Variants in TRAF5 observed in about 807,000 individuals in gnomAD.
TRAF5 encodes TNF receptor-associated factor 5.
A neutral mutation model predicts 64.5 loss-of-function variants in TRAF5; 48 were observed. The observed-to-expected ratio is 0.74, with a 90% confidence interval of 0.59 to 0.95. The LOEUF (loss-of-function observed/expected upper bound fraction) is 0.95. Among genes scored for constraint, TRAF5 ranks in the 40% least tolerant of loss-of-function variants. TRAF5 has a pLI of 0.00. For missense variants in TRAF5, 545 were observed against 662.8 expected, an observed-to-expected ratio of 0.82 and a Z score of 1.95; for synonymous variants, 206 against 240.5, an observed-to-expected ratio of 0.86 and a Z score of 1.33.
chr1:211,354,467 G>A lies in TRAF5; in HGVS notation c.276G>A (p.Glu92=). The A allele has an allele frequency of 6.2e-7, 1 of 1,614,084 alleles. No homozygotes were observed. The highest frequency in any genetic ancestry group is 8.5e-7 in the Non-Finnish European group (1 of 1,179,954). ...PVDKEVIKSQ[E]VFKDNCCKRE... ...ATAAAGAGGTCATCAAATCTCAGGAGGTAAGAAAGTCACTGCTTTTGTCTA... is the reference window on the plus strand; with the variant it reads ...ATAAAGAGGTCATCAAATCTCAGGAAGTAAGAAAGTCACTGCTTTTGTCTA... The change falls in exon 3 of 11, where the codon GAG becomes GAA. Residue 92 remains glutamate (E), a splice_region_variant and synonymous_variant. Transcript: ENST00000261464.
intron 7 of TRAF5, among the ~76,000 whole-genome samples, chr1:211,363,073 C>A (rs1703238119): frequency 6.6e-6 from 1 of 152,166 alleles, no homozygotes; most frequent in African/African-American, 2.4e-5. Context: ...ACTTTAATAT[C>A]ATCAAATTGA....
At chr1:211,344,692 G>A (rs1445808135) in intron 1 of TRAF5, among the ~76,000 whole-genome samples, 1 of 152,222 alleles carries the variant, frequency 6.6e-6, no homozygotes, top group Non-Finnish European at 1.5e-5. Flanking sequence ...GACCATTTCA[G>A]TTCTCCTTTG....
intron 1 of TRAF5, among the ~76,000 whole-genome samples, chr1:211,327,458 C>A (rs1020403088): frequency 1.3e-5 from 2 of 152,166 alleles, no homozygotes; most frequent in Admixed American, 6.5e-5. Flanking sequence ...AAGCAGCTAC[C>A]CCCCTCCCCC....
chr1:211,329,052 C>G (rs1266439035), intron 1 of TRAF5, among the ~76,000 whole-genome samples: 1 of 152,110 alleles, frequency 6.6e-6, no homozygotes, highest in Non-Finnish European at 1.5e-5. Flanking sequence ...AGCAAGGGGA[C>G]CCAGATTCTG....
intron 3 of TRAF5, among the ~76,000 whole-genome samples, chr1:211,355,033 T>A (rs1702915886): frequency 6.6e-6 from 1 of 151,878 alleles, no homozygotes. Flanking sequence ...ATTAGCTAGG[T>A]GTGGTGGTGC....
chr1:211,365,524 C>T, intron 8 of TRAF5, 56 bp downstream of exon 8: 1 of 1,343,766 alleles, frequency 7.4e-7, no homozygotes, highest in Non-Finnish European at 1.0e-6. Flanking sequence ...TGGGATTTAC[C>T]TGCTCTATGC....
In TRAF5 at chr1:211,372,885, T is replaced by G. The variant is rs188266749; in HGVS notation, c.*183T>G. On this transcript the variant is annotated 3_prime_UTR_variant, in exon 11 of 11. Transcript: ENST00000261464. ...TTTTTACATTTTACTCTGTCCCAGT[T>G]TGAAACTTAAAACTCTTAGAATATT... is the stretch of plus-strand genomic sequence containing the variant. The G allele has an allele frequency of 1.9e-6, 1 of 529,966 alleles. No individual in the cohort carries two copies. Among genetic ancestry groups the G allele is most frequent in the African/African-American group, 1.9e-5 (1 of 52,656 alleles). The allele number at this position is 529,966 out of a possible 1,614,324, so 32.8% of individuals were successfully genotyped here. A position where few individuals can be genotyped will look rare whatever the true frequency, so the allele number is the denominator to read the frequency against.
intron 1 of TRAF5, among the ~76,000 whole-genome samples, chr1:211,341,369 G>A (rs1702443799): frequency 6.6e-6 from 1 of 152,190 alleles, no homozygotes; most frequent in South Asian, 2.1e-4. Flanking sequence ...GTCACATAAA[G>A]GGCAGGAGGG....
At chr1:211,371,985 C>G in intron 10 of TRAF5, 143 bp from the exon 11 acceptor site, 1 of 727,826 alleles carries the variant, frequency 1.4e-6, no homozygotes, top group South Asian at 2.0e-5. Context: ...GTTAATATTA[C>G]TACAACAAAT....
At chr1:211,348,046 A>G (rs562968756) in intron 1 of TRAF5, among the ~76,000 whole-genome samples, 20 of 152,228 alleles carry the variant, frequency 1.3e-4, no homozygotes, top group Non-Finnish European at 2.8e-4. Flanking sequence ...GGGGATCTGC[A>G]TGGTCAAAAC....
chr1:211,351,335 CT>C (rs1702782213), intron 1 of TRAF5, among the ~76,000 whole-genome samples: 1 of 152,100 alleles, frequency 6.6e-6, no homozygotes, highest in Non-Finnish European at 1.5e-5. Context: ...CTTCTCTGGC[CT>C]CTTCTTATAA....
rs1703585626 is a variant in TRAF5 at position 211,372,863 on chromosome 1, T to C, written c.*161T>C. Reference sequence around the variant, plus strand: ...TTAAAACTTCTGAAGTGCTGTCTTTTTACATTTTACTCTGTCCCAGTTTGA... The same window carrying C: ...TTAAAACTTCTGAAGTGCTGTCTTTCTACATTTTACTCTGTCCCAGTTTGA... On this transcript the variant is annotated 3_prime_UTR_variant, in exon 11 of 11. Transcript: ENST00000261464. 8 of 601,482 alleles carry C rather than the reference T, an allele frequency of 1.3e-5. No homozygotes were observed. The highest frequency in any genetic ancestry group is 2.3e-5 in the Non-Finnish European group (8 of 346,210). 37.3% of individuals were successfully genotyped at this position (601,482 alleles called of 1,614,324 possible).
At chr1:211,342,431 C>T (rs746139071) in intron 1 of TRAF5, among the ~76,000 whole-genome samples, 6 of 152,024 alleles carry the variant, frequency 3.9e-5, no homozygotes, top group Non-Finnish European at 5.9e-5. Flanking sequence ...GCATAATAAT[C>T]ACATCAGGGT....
chr1:211,350,726 T>G (rs974971238), intron 1 of TRAF5, among the ~76,000 whole-genome samples: 4 of 152,228 alleles, frequency 2.6e-5, no homozygotes, highest in African/African-American at 9.6e-5. Context: ...CACCATAGAC[T>G]AGGTAGCTTA....
intron 1 of TRAF5, among the ~76,000 whole-genome samples, chr1:211,350,210 TTTTC>T (rs1023041958): frequency 6.6e-6 from 1 of 151,840 alleles, no homozygotes; most frequent in African/African-American, 2.4e-5. Flanking sequence ...GCTTTTTTTT[TTTTC>T]TTTCTTTTTT....
chr1:211,344,957 T>C (rs1258531094), intron 1 of TRAF5, among the ~76,000 whole-genome samples: 1 of 152,030 alleles, frequency 6.6e-6, no homozygotes, highest in Non-Finnish European at 1.5e-5. Context: ...ATAATTTTGC[T>C]CTTGTTGCCC....
At chr1:211,341,356 A>C (rs1702443446) in intron 1 of TRAF5, among the ~76,000 whole-genome samples, 1 of 152,176 alleles carries the variant, frequency 6.6e-6, no homozygotes, top group Non-Finnish European at 1.5e-5. Context: ...GGAAGTGCCA[A>C]ATGTCACATA....
intron 1 of TRAF5, among the ~76,000 whole-genome samples, chr1:211,333,578 A>G (rs1250953517): frequency 2.0e-5 from 3 of 151,670 alleles, no homozygotes; most frequent in Non-Finnish European, 4.4e-5. Flanking sequence ...GGTCACTGCA[A>G]CCTCCGCCTC....
rs549261290 is a variant in TRAF5 at position 211,371,361 on chromosome 1, A to G, written c.990A>G (p.Leu330=). 1 of 1,611,322 alleles carries G rather than the reference A, an allele frequency of 6.2e-7. No homozygotes were observed. The highest frequency in any genetic ancestry group is 1.3e-5 in the African/African-American group (1 of 74,928). Residue 330 remains leucine, a synonymous_variant, in exon 10 of 11, where the codon TTA becomes TTG. Transcript: ENST00000261464. ...AWLEAQVHQL[L]QMVNQQQNKF... ...TAGAAGCTCAAGTGCATCAATTATT[A>G]CAAATGGTTAACCAGCAACAAAATA...
Sources: gnomAD v4.1 joint callset for allele counts (sites outside exome capture counted in the v4.1 genomes callset) on GRCh38, gnomAD v4.1.1 for gene constraint, MANE v1.5 for transcripts, NCBI Gene and HGNC (gene_info 2026-07-23, HGNC 2026-07-21) for gene names.